The following PDE8A variants were observed in gnomAD, a reference collection of about 807,000 sequenced individuals.
The protein encoded by PDE8A is phosphodiesterase 8A.
In PDE8A, 59 loss-of-function variants were observed where a neutral mutation model predicts 105.0. The observed-to-expected ratio is 0.56, with a 90% confidence interval of 0.46 to 0.70. The LOEUF (loss-of-function observed/expected upper bound fraction) is 0.70. Ranked by LOEUF, PDE8A falls within the 30% of genes least tolerant of loss-of-function variation. PDE8A has a pLI of 0.00. For missense variants in PDE8A, 1,014 were observed against 1,045.9 expected (o/e 0.97, Z 0.42); for synonymous variants, 355 against 371.9 (o/e 0.95, Z 0.52).
rs150798970 is a variant in PDE8A, at chr15:85,003,306, A to G, written c.186+20958A>G. ...TCAACAGGAAACAATGTCCATCAGT[A>G]GCTCCTGGCCTCACATTTTATAACT... On this transcript the variant is annotated intron_variant, in intron 1 of 21. Coordinates refer to ENST00000394553, the MANE Select transcript of PDE8A (RefSeq NM_002605.3). 3.2e-3 allele frequency among the ~76,000 whole-genome samples: 491 copies of G among 152,320 alleles called. 2 individuals are homozygous for G. The highest frequency in any genetic ancestry group is 0.011 in the African/African-American group (477 of 41,570).
rs201797380 is a variant in PDE8A at position 85,136,537 on chromosome 15, G to C, written c.2257G>C (p.Asp753His). The part of the protein sequence containing the change: ...RISEEYFSQT[D>H]EEKQQGLPVV... ...GATCACATTTTCTGCTTTACAGACT[G>C]ATGAAGAGAAGCAGCAGGGCTTACC... The change falls in exon 21 of 22, where the codon GAT becomes CAT. Residue 753 changes from aspartate to histidine, a missense_variant. By Grantham distance (81) the Asp-to-His change is moderately conservative. Transcript: ENST00000394553. The C allele has an allele frequency of 3.1e-6, 5 of 1,612,992 alleles. No homozygotes were observed. The highest frequency in any genetic ancestry group is 4.2e-6 in the Non-Finnish European group (5 of 1,179,602).
At chr15:85,076,609 A>G (rs935783670) in intron 4 of PDE8A, 124 bp from the exon 5 acceptor site, 2 of 671,226 alleles carry the variant, frequency 3.0e-6, no homozygotes, top group Admixed American at 2.3e-5. Flanking sequence ...AAATTTGTAT[A>G]TTAATCTGAT....
chr15:85,120,988 A>G lies in PDE8A; in HGVS notation c.1926A>G (p.Lys642=), dbSNP rs1596539486. 2 of 1,611,256 alleles carry G rather than the reference A, an allele frequency of 1.2e-6. No homozygotes were observed. The highest frequency in any genetic ancestry group is 4.5e-5 in the East Asian group (2 of 44,836). Residue 642 remains lysine (K), a synonymous_variant, in exon 18 of 22, where the codon AAA becomes AAG. Coordinates refer to ENST00000394553, the MANE Select transcript of PDE8A (RefSeq NM_002605.3). ...TCCAGCTGACCACTGGAGATGATAAATGCAATATATTTAAAAACATGGAGA... is the reference window on the plus strand; with the variant it reads ...TCCAGCTGACCACTGGAGATGATAAGTGCAATATATTTAAAAACATGGAGA... The part of the protein sequence containing the change: ...LAFQLTTGDD[K]CNIFKNMERN...
At chr15:84,989,890 C>G (rs1271356682) in intron 1 of PDE8A, among the ~76,000 whole-genome samples, 1 of 152,128 alleles carries the variant, frequency 6.6e-6, no homozygotes, top group East Asian at 1.9e-4. Context: ...ACTCATATGC[C>G]TGCCATCTGG....
At chr15:85,040,985 G>T (rs927456375) in intron 1 of PDE8A, among the ~76,000 whole-genome samples, 1 of 152,084 alleles carries the variant, frequency 6.6e-6, no homozygotes. Flanking sequence ...TACTGAGAAT[G>T]CTCGTAACCC....
intron 1 of PDE8A, among the ~76,000 whole-genome samples, chr15:85,042,704 T>C (rs1249158429): frequency 1.3e-5 from 2 of 152,220 alleles, no homozygotes; most frequent in African/African-American, 2.4e-5. Context: ...TGAATGGTTG[T>C]GCATCCACTT....
rs369550309 is a variant in PDE8A at position 85,097,957 on chromosome 15, G to A, written c.862G>A (p.Gly288Arg). 4.5e-6 allele frequency: 7 copies of A among 1,564,828 alleles called. No individual in the cohort carries two copies. The highest frequency in any genetic ancestry group is 6.2e-6 in the Non-Finnish European group (7 of 1,135,672). Residue 288 changes from glycine (G) to arginine (R), a missense_variant, in exon 9 of 22, where the codon GGA becomes AGA. Transcript: ENST00000394553. ...SCIRIGKEWQGIYYAKKKNGD... is the reference protein window; with the variant it reads ...SCIRIGKEWQRIYYAKKKNGD... ...TACATTCCATTTATAGGAGTGGCAA[G>A]GAATTTACTATGCCAAAAAGAAAAA...
intron 20 of PDE8A, among the ~76,000 whole-genome samples, chr15:85,132,736 T>C (rs2082346772): frequency 6.6e-6 from 1 of 152,186 alleles, no homozygotes; most frequent in African/African-American, 2.4e-5. Flanking sequence ...GGATTACAGG[T>C]GTGAACCACC....
intron 3 of PDE8A, among the ~76,000 whole-genome samples, chr15:85,074,298 C>T (rs979339316): frequency 6.6e-6 from 1 of 152,210 alleles, no homozygotes; most frequent in African/African-American, 2.4e-5. Flanking sequence ...GTGTGACTGC[C>T]TTTGTGCTAC....
At chr15:85,088,187 T>A (rs1256653059) in intron 6 of PDE8A, among the ~76,000 whole-genome samples, 1 of 152,154 alleles carries the variant, frequency 6.6e-6, no homozygotes, top group Non-Finnish European at 1.5e-5. Context: ...GCCTTGCTAA[T>A]CTTTTTTTTG....
intron 1 of PDE8A, among the ~76,000 whole-genome samples, chr15:85,016,164 A>T (rs1311256921): frequency 6.6e-6 from 1 of 152,224 alleles, no homozygotes; most frequent in Admixed American, 6.5e-5. Flanking sequence ...AATAAAATTT[A>T]AAAAATGACT....
intron 11 of PDE8A, among the ~76,000 whole-genome samples, chr15:85,100,854 T>G (rs1313862728): frequency 6.6e-6 from 1 of 152,158 alleles, no homozygotes; most frequent in Non-Finnish European, 1.5e-5. Context: ...CACCCTGCCT[T>G]GCCTGAGTAG....
intron 1 of PDE8A, among the ~76,000 whole-genome samples, chr15:85,012,413 T>C (rs980143706): frequency 1.9e-4 from 29 of 151,810 alleles, no homozygotes; most frequent in Admixed American, 4.6e-4. Flanking sequence ...CTGGATGAAA[T>C]TGGAAATCAT....
intron 1 of PDE8A, among the ~76,000 whole-genome samples, chr15:85,045,690 T>C (rs2080876033): frequency 6.6e-6 from 1 of 152,194 alleles, no homozygotes; most frequent in Non-Finnish European, 1.5e-5. Flanking sequence ...ACTCCTAGTA[T>C]CTAGCACTGC....
intron 12 of PDE8A, among the ~76,000 whole-genome samples, chr15:85,111,687 C>T (rs1301958608): frequency 3.3e-5 from 5 of 152,136 alleles, no homozygotes; most frequent in East Asian, 1.9e-4. Context: ...TTCCATGTGA[C>T]GCTTAGAATG....
intron 8 of PDE8A, among the ~76,000 whole-genome samples, chr15:85,095,660 T>C (rs2081734985): frequency 6.6e-6 from 1 of 151,444 alleles, no homozygotes; most frequent in Non-Finnish European, 1.5e-5. Flanking sequence ...AAATCTTATA[T>C]GATATTTATG....
chr15:85,098,602 A>G (rs1212133346), intron 9 of PDE8A, among the ~76,000 whole-genome samples: 1 of 152,200 alleles, frequency 6.6e-6, no homozygotes, highest in Admixed American at 6.5e-5. Context: ...CACCTAAAAT[A>G]TTGCAGCCAT....
chr15:85,099,047 C>T (rs76827804), intron 9 of PDE8A, among the ~76,000 whole-genome samples: 17,979 of 152,054 alleles, frequency 0.12, 1,503 homozygotes, highest in East Asian at 0.38. Flanking sequence ...AGTGTTTAAT[C>T]TCAATCATGT....
chr15:85,137,774 C>T (rs1430434595), intron 21 of PDE8A, 23 bp from the exon 22 acceptor site: 3 of 1,425,964 alleles, frequency 2.1e-6, no homozygotes, highest in African/African-American at 2.8e-5. Flanking sequence ...GAAAGCATAT[C>T]ACATTCCTAT....
Sources: allele counts gnomAD v4.1 joint callset (sites outside exome capture counted in the v4.1 genomes callset), GRCh38; gene constraint gnomAD v4.1.1; transcripts MANE v1.5; gene names NCBI Gene and HGNC (gene_info 2026-07-23, HGNC 2026-07-21).